The following INTS7 variants were observed in gnomAD, a reference collection of about 807,000 sequenced individuals.
INTS7 encodes the protein integrator complex subunit 7, also known as chromosome 1 open reading frame 73.
A neutral mutation model predicts 109.2 loss-of-function variants in INTS7; 46 were observed. The observed-to-expected ratio is 0.42, with a 90% CI of 0.33 to 0.54. The LOEUF is 0.54. Ranked by LOEUF, INTS7 falls within the 20% of genes least tolerant of loss-of-function variation. The pLI is 0.07. For missense variants in INTS7, 929 were observed against 1,132.4 expected (o/e 0.82, Z 2.58); for synonymous variants, 412 against 402.9 (o/e 1.02, Z -0.27).
intron 17 of INTS7, among the ~76,000 whole-genome samples, chr1:211,949,645 C>T (rs772805863): frequency 2.6e-5 from 4 of 152,170 alleles, no homozygotes; most frequent in Non-Finnish European, 4.4e-5. Context: ...CCCTGCCAGC[C>T]ATTTCCTGTT....
chr1:211,976,565 A>C lies in INTS7; in HGVS notation c.1608+17T>G. Reference sequence around the variant, plus strand: ...ACATTTCCAGCAACCCAGTTCACTCAGAAGGGTAACACATACCATTCTGGA... The same window carrying C: ...ACATTTCCAGCAACCCAGTTCACTCCGAAGGGTAACACATACCATTCTGGA... On this transcript the variant is annotated intron_variant, in intron 12 of 19. Transcript: ENST00000366994. 1.2e-6 allele frequency: 2 copies of C among 1,604,712 alleles called. No homozygotes were observed. The highest frequency in any genetic ancestry group is 3.4e-5 in the Admixed American group (2 of 59,486).
At chr1:211,957,045 T>C (rs1338534113) in intron 16 of INTS7, among the ~76,000 whole-genome samples, 1 of 152,230 alleles carries the variant, frequency 6.6e-6, no homozygotes, top group East Asian at 1.9e-4. Context: ...CCCAACAACA[T>C]ACTAGTATGA....
Position 211,968,652 on chromosome 1 carries a change from C to A in INTS7, c.1871G>T (p.Arg624Met). The A allele has an allele frequency of 6.2e-7, 1 of 1,613,326 alleles. No homozygotes were observed. Among genetic ancestry groups the A allele is most frequent in the South Asian group, 1.1e-5 (1 of 91,040 alleles). ...LSFQCEFVKL[R>M]IDLLQAFSQL... Reference sequence around the variant, plus strand: ...AGAGAAGGCTTGTAAAAGGTCAATCCTGAGTTTTACAAATTCACACTGAAA... The same window carrying A: ...AGAGAAGGCTTGTAAAAGGTCAATCATGAGTTTTACAAATTCACACTGAAA... Residue 624 changes from arginine (R) to methionine (M), a missense_variant, in exon 14 of 20, where the codon AGG becomes ATG. Arg to Met is a moderately conservative substitution (Grantham distance 91). Around this residue, in one of 2 missense-constraint regions of INTS7, gnomAD observed 787 missense variants for 901.1 expected, o/e 0.87. Transcript: ENST00000366994.
intron 7 of INTS7, among the ~76,000 whole-genome samples, chr1:211,993,273 A>C (rs913852572): frequency 6.6e-6 from 1 of 152,256 alleles, no homozygotes; most frequent in Non-Finnish European, 1.5e-5. Context: ...TACAAATTAG[A>C]AGCTCTCAGA....
chr1:211,951,757 T>C (rs1336555575), intron 17 of INTS7, among the ~76,000 whole-genome samples: 1 of 152,232 alleles, frequency 6.6e-6, no homozygotes, highest in Non-Finnish European at 1.5e-5. Context: ...TACTGGACTT[T>C]CCTGCCTCCA....
chr1:211,951,329 A>T (rs1379484479), intron 17 of INTS7, among the ~76,000 whole-genome samples: 1 of 151,744 alleles, frequency 6.6e-6, no homozygotes, highest in Non-Finnish European at 1.5e-5. Flanking sequence ...TTTTTTTGAG[A>T]CAGAGTCCTC....
At chr1:212,002,009 A>G (rs1350928662) in intron 7 of INTS7, among the ~76,000 whole-genome samples, 1 of 152,182 alleles carries the variant, frequency 6.6e-6, no homozygotes, top group Non-Finnish European at 1.5e-5. Context: ...TATGTCCTTG[A>G]CATCTCCACC....
At chr1:211,972,059 A>G (rs912150403) in intron 13 of INTS7, among the ~76,000 whole-genome samples, 1 of 152,124 alleles carries the variant, frequency 6.6e-6, no homozygotes, top group Non-Finnish European at 1.5e-5. Context: ...AGGTGCACAT[A>G]AGAATTTTAC....
At chr1:212,016,811 G>A in intron 4 of INTS7, 75 bp downstream of exon 4, 5 of 1,159,766 alleles carry the variant, frequency 4.3e-6, no homozygotes, top group Non-Finnish European at 6.2e-6. Context: ...GTTTATATAA[G>A]TTGATCAGTT....
At chr1:211,982,851 T>C (rs1171333519) in intron 8 of INTS7, 41 bp from the exon 9 acceptor site, 5 of 1,544,504 alleles carry the variant, frequency 3.2e-6, no homozygotes, top group African/African-American at 2.7e-5. Context: ...GTAATTCAAA[T>C]AGTTCAAAAG....
At chr1:211,976,274 T>C (rs1276290143) in intron 12 of INTS7, among the ~76,000 whole-genome samples, 2 of 152,134 alleles carry the variant, frequency 1.3e-5, no homozygotes, top group African/African-American at 4.8e-5. Flanking sequence ...GAAAGGAAGA[T>C]AGAAACAGCG....
Position 211,952,644 on chromosome 1 carries a change from T to A in INTS7, c.2241A>T (p.Arg747Ser). 1 of 1,612,788 alleles carries A rather than the reference T, an allele frequency of 6.2e-7. No individual in the cohort carries two copies. Among genetic ancestry groups the A allele is most frequent in the South Asian group, 1.1e-5 (1 of 91,034 alleles). Residue 747 changes from arginine (R) to serine (S), a missense_variant, in exon 17 of 20, where the codon AGA becomes AGT. Physicochemically the swap from Arg to Ser is moderately radical, Grantham distance 110. This residue lies in a region of INTS7 where 787 missense variants were observed against 901.1 expected (regional missense o/e 0.87). Coordinates refer to ENST00000366994, the MANE Select transcript of INTS7 (RefSeq NM_015434.4). ...TAHADSEYERRMMSVYNHVLE... is the reference protein window; with the variant it reads ...TAHADSEYERSMMSVYNHVLE... ...AGACATGATTATATACAGACATCAT[T>A]CTTCTTTCATATTCACTATCAGCAT...
rs149069474 is a variant in INTS7, at chr1:211,974,621, A to G, written c.1815+545T>C. On this transcript the variant is annotated intron_variant, in intron 13 of 19. Coordinates refer to ENST00000366994, the MANE Select transcript of INTS7 (RefSeq NM_015434.4). The stretch of plus-strand genomic sequence containing the variant: ...AGGGAATAGGTTCCTACTTAGGAAT[A>G]TAACTAATTTCAAGGAAACATAAGG... 1.1e-4 allele frequency among the ~76,000 whole-genome samples: 17 copies of G among 152,290 alleles called. No individual in the cohort carries two copies. The East Asian group carries it at 3.3e-3, about 29-fold the overall frequency.
At position 211,972,439 on chromosome 1, in the gene INTS7, G is replaced by A. The variant is rs548810560; in HGVS notation, c.1815+2727C>T. On this transcript the variant is annotated intron_variant, in intron 13 of 19. Transcript: ENST00000366994. ...AACTGACATGATGTTCAAAGGAAAT[G>A]TTCATTGGAACGTTTCAAATTTTGA... Among the ~76,000 whole-genome samples, 21 of 152,228 alleles carry A rather than the reference G, an allele frequency of 1.4e-4. 1 individual carries two copies. Among genetic ancestry groups the A allele is most frequent in the Middle Eastern group, 3.4e-3 (1 of 294 alleles).
chr1:211,973,470 T>C (rs755344893), intron 13 of INTS7, among the ~76,000 whole-genome samples: 3 of 152,236 alleles, frequency 2.0e-5, no homozygotes, highest in Non-Finnish European at 4.4e-5. Context: ...AATTTTGAAC[T>C]TCTCCTGTTT....
intron 4 of INTS7, among the ~76,000 whole-genome samples, chr1:212,013,836 G>A (rs1470484564): frequency 6.6e-6 from 1 of 152,198 alleles, no homozygotes; most frequent in Non-Finnish European, 1.5e-5. Context: ...TAACCTAGGT[G>A]TATAGTAGGT....
chr1:211,955,026 T>C (rs1287559072), intron 16 of INTS7, among the ~76,000 whole-genome samples: 1 of 152,242 alleles, frequency 6.6e-6, no homozygotes, highest in Non-Finnish European at 1.5e-5. Flanking sequence ...TTCCTACCCA[T>C]GAGCATGGAA....
intron 7 of INTS7, among the ~76,000 whole-genome samples, chr1:211,991,496 C>G (rs1426786151): frequency 6.6e-6 from 1 of 152,214 alleles, no homozygotes; most frequent in Non-Finnish European, 1.5e-5. Flanking sequence ...GATGAGAGAA[C>G]AGTAGGCGGG....
chr1:211,996,132 T>G, intron 7 of INTS7, among the ~76,000 whole-genome samples: 1 of 152,170 alleles, frequency 6.6e-6, no homozygotes, highest in East Asian at 1.9e-4. Context: ...ATAGAAAATA[T>G]GTCTTCTGGC....
Sources: allele counts gnomAD v4.1 joint callset (sites outside exome capture counted in the v4.1 genomes callset), GRCh38; gene constraint gnomAD v4.1.1; regional missense constraint gnomAD v4.1.1; transcripts MANE v1.5; gene names NCBI Gene and HGNC (gene_info 2026-07-23, HGNC 2026-07-21).